The following SLC39A8 variants were observed in gnomAD, a reference collection of about 807,000 sequenced individuals.
SLC39A8 encodes the protein solute carrier family 39 member 8, also known as metal cation symporter ZIP8.
A neutral mutation model predicts 40.4 loss-of-function variants in SLC39A8; 15 were observed. That is an observed-to-expected ratio of 0.37 (90% CI 0.25 to 0.57). The LOEUF (loss-of-function observed/expected upper bound fraction) is 0.57. SLC39A8 is among the 20% of genes least tolerant of loss of function. The pLI is 0.75. For missense variants in SLC39A8, 472 were observed against 558.8 expected, an observed-to-expected ratio of 0.84 and a Z score of 1.57; for synonymous variants, 223 against 221.6, an observed-to-expected ratio of 1.01 and a Z score of -0.06.
At chr4:102,320,455 T>A (rs1734908976) in intron 2 of SLC39A8, among the ~76,000 whole-genome samples, 1 of 91,636 alleles carries the variant, frequency 1.1e-5, no homozygotes, top group Non-Finnish European at 2.1e-5. Flanking sequence ...TATATGAGAG[T>A]ATATATACAT....
In SLC39A8 at chr4:102,304,999, G is replaced by T; in HGVS notation, c.665C>A (p.Thr222Lys). 1 of 1,603,694 alleles carries T rather than the reference G, an allele frequency of 6.2e-7. No homozygotes were observed. Among genetic ancestry groups the T allele is most frequent in the Non-Finnish European group, 8.5e-7 (1 of 1,172,704 alleles). ...ATAAAGTCCATTTACCTGACCATAT[G>T]TCTTTAATAACATCTTTAGCATTCT... Reference protein sequence around the residue: ...FERMLKMLLKTYGQNGHTHFG... With the variant: ...FERMLKMLLKKYGQNGHTHFG... Residue 222 changes from threonine to lysine, a missense_variant, in exon 5 of 9, where the codon ACA (threonine) becomes AAA (lysine). Transcript: ENST00000356736.
intron 2 of SLC39A8, among the ~76,000 whole-genome samples, chr4:102,325,401 TCA>T (rs1182033078): frequency 2.7e-5 from 4 of 150,510 alleles, no homozygotes; most frequent in African/African-American, 9.9e-5. Flanking sequence ...ACATGCACAC[TCA>T]CACTCATATA....
At chr4:102,297,521 G>C (rs1733729058) in intron 6 of SLC39A8, among the ~76,000 whole-genome samples, 1 of 152,056 alleles carries the variant, frequency 6.6e-6, no homozygotes, top group Non-Finnish European at 1.5e-5. Flanking sequence ...AAGAAGGTTT[G>C]AGAAAACTTG....
chr4:102,342,459 T>C (rs1735984470), intron 2 of SLC39A8, among the ~76,000 whole-genome samples: 1 of 152,104 alleles, frequency 6.6e-6, no homozygotes, highest in Admixed American at 6.5e-5. Flanking sequence ...GATCGTGCCA[T>C]TGCACTCCAG....
At chr4:102,268,820 ACT>A (rs1450842788) in intron 6 of SLC39A8, among the ~76,000 whole-genome samples, 1 of 152,192 alleles carries the variant, frequency 6.6e-6, no homozygotes, top group Non-Finnish European at 1.5e-5. Context: ...CCTGTGATGG[ACT>A]CTTTGTAGGA....
intron 8 of SLC39A8, among the ~76,000 whole-genome samples, chr4:102,265,333 GAA>G (rs34480234): frequency 0.72 from 110,027 of 151,880 alleles, 40,282 homozygotes; most frequent in Non-Finnish European, 0.78. Context: ...GGTGCAGGGA[GAA>G]AACACACACA....
At chr4:102,287,761 C>T (rs1174351143) in intron 6 of SLC39A8, among the ~76,000 whole-genome samples, 2 of 152,036 alleles carry the variant, frequency 1.3e-5, no homozygotes, top group East Asian at 1.9e-4. Flanking sequence ...CCATTTTAAT[C>T]GATGAGAAGC....
intron 2 of SLC39A8, among the ~76,000 whole-genome samples, chr4:102,319,495 G>C (rs1734811287): frequency 6.6e-6 from 1 of 152,110 alleles, no homozygotes; most frequent in Non-Finnish European, 1.5e-5. Context: ...AGTTTAAAGA[G>C]AGTTCCCTCA....
In SLC39A8 at chr4:102,253,319, T is replaced by C. The variant is rs545701583; in HGVS notation, c.*410A>G. The C allele has an allele frequency of 3.5e-4, 215 of 622,396 alleles. 4 individuals carry two copies. The South Asian group carries it at 4.3e-3, about 13-fold the overall frequency. 38.6% of individuals were successfully genotyped at this position (622,396 alleles called of 1,614,324 possible). ...TTCACAGCACACACAGCATCACGTC[T>C]CAATGGTCATAACTATGTCATATGC... On this transcript the variant is annotated 3_prime_UTR_variant and NMD_transcript_variant, in exon 12 of 12. Coordinates refer to the SLC39A8 transcript ENST00000424970.
At chr4:102,263,317 A>T in intron 8 of SLC39A8, 124 bp from the exon 9 acceptor site, 1 of 753,344 alleles carries the variant, frequency 1.3e-6, no homozygotes, top group East Asian at 2.5e-5. Flanking sequence ...TAAAGCAAAC[A>T]TCTCAATAAA....
chr4:102,319,667 T>C (rs1734820443), intron 2 of SLC39A8, among the ~76,000 whole-genome samples: 1 of 152,068 alleles, frequency 6.6e-6, no homozygotes, highest in African/African-American at 2.4e-5. Context: ...AAATCCCTAC[T>C]TGTCCATGTT....
In SLC39A8 at chr4:102,294,653, G is replaced by A. The variant is rs117821535; in HGVS notation, c.840+9664C>T. On this transcript the variant is annotated intron_variant, in intron 6 of 8. Transcript: ENST00000356736. ...TTAGAGTTGAACCCAATCTCTCTCC[G>A]CTGTTGCCATAGAAGCAACCCTTAT... Among the ~76,000 whole-genome samples, 38 of 151,950 alleles carry A rather than the reference G, an allele frequency of 2.5e-4. No homozygotes were observed. In the East Asian group the frequency reaches 6.0e-3, roughly 24 times the overall value.
chr4:102,271,825 G>C (rs929284467), intron 6 of SLC39A8, among the ~76,000 whole-genome samples: 1 of 152,142 alleles, frequency 6.6e-6, no homozygotes, highest in Admixed American at 6.5e-5. Context: ...GTGAGACAGT[G>C]GGCTCAATAC....
At chr4:102,289,363 CG>C (rs1041079071) in intron 6 of SLC39A8, among the ~76,000 whole-genome samples, 1 of 152,066 alleles carries the variant, frequency 6.6e-6, no homozygotes, top group African/African-American at 2.4e-5. Context: ...AGAGCTCTTA[CG>C]GGGATGTACA....
chr4:102,278,674 A>G (rs1337800133), intron 6 of SLC39A8, among the ~76,000 whole-genome samples: 2 of 152,182 alleles, frequency 1.3e-5, no homozygotes, highest in Non-Finnish European at 2.9e-5. Flanking sequence ...ATTCTACTAT[A>G]AAGACACATG....
chr4:102,339,321 G>A (rs1330182499), intron 2 of SLC39A8, among the ~76,000 whole-genome samples: 1 of 150,188 alleles, frequency 6.7e-6, no homozygotes, highest in African/African-American at 2.4e-5. Context: ...AGCACATAAA[G>A]GGGAAAAAAA....
intron 6 of SLC39A8, among the ~76,000 whole-genome samples, chr4:102,272,578 G>A (rs1244267472): frequency 6.6e-6 from 1 of 152,106 alleles, no homozygotes. Flanking sequence ...GTTAGACCTT[G>A]TCTCTAAATA....
intron 2 of SLC39A8, among the ~76,000 whole-genome samples, chr4:102,333,194 A>G (rs1735538426): frequency 6.6e-6 from 1 of 152,148 alleles, no homozygotes; most frequent in Admixed American, 6.6e-5. Context: ...ATATATACAT[A>G]TATATGTATT....
intron 6 of SLC39A8, among the ~76,000 whole-genome samples, chr4:102,280,313 C>A (rs1732815221): frequency 6.6e-6 from 1 of 152,170 alleles, no homozygotes; most frequent in Non-Finnish European, 1.5e-5. Context: ...AAGTGTCTCT[C>A]CCCTATTTAT....
Sources: gnomAD v4.1 joint callset for allele counts (sites outside exome capture counted in the v4.1 genomes callset) on GRCh38, gnomAD v4.1.1 for gene constraint, MANE v1.5 for transcripts, NCBI Gene and HGNC (gene_info 2026-07-23, HGNC 2026-07-21) for gene names.